GGACT: variants seen among roughly 807,000 people sequenced by gnomAD.
The protein encoded by GGACT is gamma-glutamylamine cyclotransferase.
For synonymous variants in GGACT, 118 were observed against 115.3 expected, an observed-to-expected ratio of 1.02 and a Z score of -0.15; for missense variants, 241 against 233.2, an observed-to-expected ratio of 1.03 and a Z score of -0.22.
At chr13:100,557,544 T>C (rs2088719437) in intron 2 of GGACT, among the ~76,000 whole-genome samples, 1 of 152,062 alleles carries the variant, frequency 6.6e-6, no homozygotes, top group African/African-American at 2.4e-5. Flanking sequence ...TAAACAATGG[T>C]GCTGGAACAA....
chr13:100,563,807 C>T (rs1049097592), intron 2 of GGACT, among the ~76,000 whole-genome samples: 1 of 152,188 alleles, frequency 6.6e-6, no homozygotes, highest in Non-Finnish European at 1.5e-5. Context: ...TGGATGCAGC[C>T]CCCAACAGGT....
chr13:100,532,411 G>GC lies in GGACT; in HGVS notation c.180dup (p.Arg61AlafsTer20). 6.5e-7 allele frequency: 1 copy of GC among 1,550,090 alleles called. No individual in the cohort carries two copies. On this transcript the variant is annotated frameshift_variant, in exon 3 of 3. Transcript: ENST00000683975. LOFTEE classifies it low-confidence loss of function (END_TRUNC). ...GCGTAGACCTCGCCCTCCACGAGGC[G>GC]CCCCGAGCCGGGCAGGTGCAGCAGC...
At chr13:100,540,461 T>C (rs887619339) in intron 2 of GGACT, among the ~76,000 whole-genome samples, 5 of 152,252 alleles carry the variant, frequency 3.3e-5, no homozygotes, top group African/African-American at 1.2e-4. Flanking sequence ...TGTGTTGTTC[T>C]GTAGGACGTG....
intron 2 of GGACT, among the ~76,000 whole-genome samples, chr13:100,546,110 C>T (rs2088601007): frequency 1.3e-5 from 2 of 152,172 alleles, no homozygotes; most frequent in African/African-American, 4.8e-5. Flanking sequence ...CCTGTAATGC[C>T]AGCACTTTGG....
Position 100,530,717 on chromosome 13 carries a change from T to G in GGACT, c.*1413A>C, listed in dbSNP as rs1169797075. The stretch of plus-strand genomic sequence containing the variant: ...CAATCCCTTTCCTGCTGTGTCTCTA[T>G]GTGGGTGTACTGTTGGTGGCTGACT... On this transcript the variant is annotated 3_prime_UTR_variant, in exon 3 of 3. Coordinates refer to ENST00000683975, the MANE Select transcript of GGACT (RefSeq NM_001195087.2). The G allele has an allele frequency of 4.7e-6, 1 of 214,474 alleles. No homozygotes were observed. Among genetic ancestry groups the G allele is most frequent in the Non-Finnish European group, 9.3e-6 (1 of 107,170 alleles). The allele number at this position is 214,474 out of a possible 1,614,324, so 13.3% of individuals were successfully genotyped here.
At position 100,588,127 on chromosome 13, in the gene GGACT, T is replaced by A. The variant is rs141611632; in HGVS notation, c.-184+614A>T. Reference sequence around the variant, plus strand: ...AAGCTGTGTTCAAAAAACACTTAAGTCTGCTTTTGAGCTTGTGGCGTTGTC... The same window carrying A: ...AAGCTGTGTTCAAAAAACACTTAAGACTGCTTTTGAGCTTGTGGCGTTGTC... On this transcript the variant is annotated intron_variant, in intron 1 of 2. Coordinates refer to ENST00000683975, the MANE Select transcript of GGACT (RefSeq NM_001195087.2). Among the ~76,000 whole-genome samples the A allele has an allele frequency of 3.4e-3, 519 of 152,296 alleles. 4 individuals carry two copies. Among genetic ancestry groups the A allele is most frequent in the African/African-American group, 0.012 (494 of 41,576 alleles).
At chr13:100,563,380 A>C (rs962209169) in intron 2 of GGACT, among the ~76,000 whole-genome samples, 2 of 152,200 alleles carry the variant, frequency 1.3e-5, no homozygotes, top group Non-Finnish European at 2.9e-5. Context: ...GGTGAGGAAA[A>C]TGTTCTGGAA....
intron 2 of GGACT, among the ~76,000 whole-genome samples, chr13:100,572,192 A>G (rs941083687): frequency 5.3e-5 from 8 of 152,348 alleles, no homozygotes; most frequent in African/African-American, 1.7e-4. Flanking sequence ...CACACAATGG[A>G]ATATTACAGA....
intron 2 of GGACT, among the ~76,000 whole-genome samples, chr13:100,576,640 C>T (rs1026397860): frequency 6.6e-6 from 1 of 152,134 alleles, no homozygotes; most frequent in Non-Finnish European, 1.5e-5. Context: ...AAGTTGTCGT[C>T]GAAGTGAAAA....
intron 2 of GGACT, among the ~76,000 whole-genome samples, chr13:100,580,711 T>A (rs1022955647): frequency 6.6e-6 from 1 of 152,204 alleles, no homozygotes; most frequent in African/African-American, 2.4e-5. Flanking sequence ...ATGGAAGAAC[T>A]GCCAGGGGGA....
rs374570369 is a variant in GGACT at position 100,568,025 on chromosome 13, A to G, written c.-11+15800T>C. On this transcript the variant is annotated intron_variant, in intron 2 of 2. Coordinates refer to ENST00000683975, the MANE Select transcript of GGACT (RefSeq NM_001195087.2). ...GTGAAGAACCAGGGCCCTACTTCCA[A>G]TTGAATCGGGTTCCTTTTCAAAACC... Among the ~76,000 whole-genome samples, 219 of 152,282 alleles carry G rather than the reference A, an allele frequency of 1.4e-3. 1 individual carries two copies. The highest frequency in any genetic ancestry group is 5.0e-3 in the African/African-American group (206 of 41,552).
At chr13:100,577,680 G>GT (rs1875293297) in intron 2 of GGACT, among the ~76,000 whole-genome samples, 1 of 152,128 alleles carries the variant, frequency 6.6e-6, no homozygotes, top group African/African-American at 2.4e-5. Context: ...GGCAAAGCCA[G>GT]TATGGTGCAG....
intron 1 of GGACT, among the ~76,000 whole-genome samples, chr13:100,587,700 G>C (rs1566541931): frequency 6.6e-6 from 1 of 152,086 alleles, no homozygotes; most frequent in African/African-American, 2.4e-5. Context: ...ATTTCTCCTG[G>C]GACATTTAGC....
chr13:100,577,744 A>G (rs1432972800), intron 2 of GGACT, among the ~76,000 whole-genome samples: 1 of 151,176 alleles, frequency 6.6e-6, no homozygotes, highest in Non-Finnish European at 1.5e-5. Flanking sequence ...TGTACTTTTG[A>G]GTATGTCTGG....
chr13:100,568,918 A>G (rs1422814201), intron 2 of GGACT, among the ~76,000 whole-genome samples: 1 of 152,288 alleles, frequency 6.6e-6, no homozygotes, highest in East Asian at 1.9e-4. Flanking sequence ...CTGAAATCCA[A>G]TAGGGCAATC....
rs143002724 is a variant in GGACT at position 100,561,755 on chromosome 13, T to C, written c.-11+22070A>G. 2.1e-3 allele frequency among the ~76,000 whole-genome samples: 316 copies of C among 152,326 alleles called. 8 individuals are homozygous for C. In the East Asian group the frequency reaches 0.038, roughly 18 times the overall value. On this transcript the variant is annotated intron_variant, in intron 2 of 2. Transcript: ENST00000683975. ...CAGGACCCTGGAGGGGCAGAGGTGC[T>C]GCTCAGTGGGGGGCTGGGGCTCACG...
intron 2 of GGACT, among the ~76,000 whole-genome samples, chr13:100,557,319 C>T (rs913949368): frequency 2.0e-5 from 3 of 152,138 alleles, no homozygotes; most frequent in Non-Finnish European, 4.4e-5. Context: ...ATTAGTGGTG[C>T]GGGCTGCACA....
At chr13:100,553,707 G>A (rs1279604583) in intron 2 of GGACT, among the ~76,000 whole-genome samples, 1 of 152,092 alleles carries the variant, frequency 6.6e-6, no homozygotes, top group Non-Finnish European at 1.5e-5. Flanking sequence ...AGCTAGGCGT[G>A]GTGGTGTGCA....
chr13:100,548,873 C>A (rs1422236211), intron 2 of GGACT, among the ~76,000 whole-genome samples: 1 of 152,210 alleles, frequency 6.6e-6, no homozygotes, highest in African/African-American at 2.4e-5. Context: ...CACAGGAGAG[C>A]CAACCAGGGA....
Sources: allele counts gnomAD v4.1 joint callset (sites outside exome capture counted in the v4.1 genomes callset), GRCh38; gene constraint gnomAD v4.1.1; transcripts MANE v1.5; gene names NCBI Gene and HGNC (gene_info 2026-07-23, HGNC 2026-07-21).